NOS1AP: variants seen among roughly 807,000 people sequenced by gnomAD.
NOS1AP encodes nitric oxide synthase 1 adaptor protein.
In NOS1AP, 21 loss-of-function variants were observed where a neutral mutation model predicts 56.2. That is an observed-to-expected ratio of 0.37 (90% CI 0.26 to 0.54). The LOEUF (loss-of-function observed/expected upper bound fraction) is 0.54. Among genes scored for constraint, NOS1AP ranks in the 20% least tolerant of loss-of-function variants. The pLI is 0.84. For synonymous variants in NOS1AP, 270 were observed against 274.6 expected, an observed-to-expected ratio of 0.98 and a Z score of 0.17; for missense variants, 522 against 657.8, an observed-to-expected ratio of 0.79 and a Z score of 2.26.
intron 2 of NOS1AP, among the ~76,000 whole-genome samples, chr1:162,254,950 A>G (rs1483382773): frequency 6.6e-6 from 1 of 152,138 alleles, no homozygotes; most frequent in Non-Finnish European, 1.5e-5. Context: ...TATTCTTTCT[A>G]TTATTCCTTC....
In NOS1AP at chr1:162,367,263, C is replaced by A. The variant is rs746807377; in HGVS notation, c.1317C>A (p.Thr439=). 3.3e-5 allele frequency: 54 copies of A among 1,613,574 alleles called. No individual in the cohort carries two copies. The highest frequency in any genetic ancestry group is 3.2e-4 in the Admixed American group (19 of 59,996). ...ECFRFLPPED[T]PPPAQGEALL... Reference sequence around the variant, plus strand: ...TTCGCTTTCTTCCGCCCGAGGACACCCCGCCCCCAGCGCAGGGCGAGGCGC... The same window carrying A: ...TTCGCTTTCTTCCGCCCGAGGACACACCGCCCCCAGCGCAGGGCGAGGCGC... Residue 439 remains threonine (T), a synonymous_variant, in exon 10 of 10, where the codon ACC becomes ACA. Coordinates refer to ENST00000361897, the MANE Select transcript of NOS1AP (RefSeq NM_014697.3). The surrounding 1 kb of genome is among the most constrained non-coding windows in gnomAD (Gnocchi z 6.5).
chr1:162,072,111 T>TAGATAGATAGAA (rs1389042814), intron 1 of NOS1AP, among the ~76,000 whole-genome samples: 1 of 150,762 alleles, frequency 6.6e-6, no homozygotes, highest in Non-Finnish European at 1.5e-5. Context: ...GATAGATAGA[T>TAGATAGATAGAA]AGAAAGTGTA....
chr1:162,119,135 T>A (rs561998644), intron 1 of NOS1AP, among the ~76,000 whole-genome samples: 2 of 152,284 alleles, frequency 1.3e-5, no homozygotes, highest in South Asian at 4.1e-4. Flanking sequence ...TTAAGAATGA[T>A]CTAGAAACTG....
chr1:162,227,919 T>C (rs2101665185), intron 2 of NOS1AP, among the ~76,000 whole-genome samples: 1 of 152,244 alleles, frequency 6.6e-6, no homozygotes, highest in South Asian at 2.1e-4. Context: ...GTCTGAAAAG[T>C]TTGAAAAGTG....
intron 2 of NOS1AP, among the ~76,000 whole-genome samples, chr1:162,190,873 G>GTCTCTGTAAGCAGAATCTGACAGAGTTGT (rs1651607942): frequency 2.0e-5 from 3 of 152,102 alleles, no homozygotes; most frequent in African/African-American, 7.2e-5. Flanking sequence ...TTACCTTTCT[G>GTCTCTGTAAGCAGAATCTGACAGAGTTGT]TCCCTTAATG....
intron 1 of NOS1AP, among the ~76,000 whole-genome samples, chr1:162,122,905 G>A (rs557388800): frequency 6.6e-6 from 1 of 151,996 alleles, no homozygotes; most frequent in Non-Finnish European, 1.5e-5. Flanking sequence ...CTAATATTAT[G>A]TAAATGTAAT....
intron 2 of NOS1AP, among the ~76,000 whole-genome samples, chr1:162,233,997 A>G (rs1161932044): frequency 1.3e-5 from 2 of 152,222 alleles, no homozygotes; most frequent in African/African-American, 2.4e-5. Context: ...CTTGTCTGCT[A>G]TTGGACATAC....
intron 8 of NOS1AP, among the ~76,000 whole-genome samples, chr1:162,361,735 T>C (rs1657909946): frequency 6.6e-6 from 1 of 152,232 alleles, no homozygotes; most frequent in Admixed American, 6.5e-5. Context: ...TTGGTGCCAA[T>C]GGATCTGCGA....
intron 2 of NOS1AP, among the ~76,000 whole-genome samples, chr1:162,185,025 T>A (rs1350124293): frequency 6.6e-6 from 1 of 152,178 alleles, no homozygotes; most frequent in Middle Eastern, 3.2e-3. Context: ...AAGAGGATAA[T>A]CCTTTTCCTT....
intron 2 of NOS1AP, among the ~76,000 whole-genome samples, chr1:162,190,358 AATTTT>A (rs892501079): frequency 1.1e-4 from 5 of 44,886 alleles, no homozygotes; most frequent in Admixed American, 1.1e-3. Flanking sequence ...ATTTTTTTTA[AATTTT>A]ATTTTATTTT....
chr1:162,289,011 G>T (rs1463647046), intron 3 of NOS1AP, among the ~76,000 whole-genome samples: 1 of 152,148 alleles, frequency 6.6e-6, no homozygotes, highest in Non-Finnish European at 1.5e-5. Flanking sequence ...GCCTGTTAAA[G>T]AAATCGTGGA....
chr1:162,205,250 A>C (rs981436832), intron 2 of NOS1AP, among the ~76,000 whole-genome samples: 3 of 152,242 alleles, frequency 2.0e-5, no homozygotes, highest in African/African-American at 7.2e-5. Context: ...GCCTGAATAC[A>C]TATCACTCCT....
intron 2 of NOS1AP, among the ~76,000 whole-genome samples, chr1:162,193,544 T>C (rs1482588218): frequency 6.6e-6 from 1 of 152,172 alleles, no homozygotes; most frequent in African/African-American, 2.4e-5. Flanking sequence ...TTTGTGCTGA[T>C]GGATTATTTT....
chr1:162,070,356 GC>G, intron 1 of NOS1AP, 74 bp downstream of exon 1: 1 of 1,277,976 alleles, frequency 7.8e-7, no homozygotes, highest in Non-Finnish European at 1.1e-6. Flanking sequence ...GGGATGCACA[GC>G]CGTCCTGGAC....
intron 2 of NOS1AP, among the ~76,000 whole-genome samples, chr1:162,195,114 G>A (rs960450949): frequency 3.3e-5 from 5 of 152,094 alleles, no homozygotes; most frequent in African/African-American, 1.2e-4. Flanking sequence ...GGTGAAATGG[G>A]ATAGGGGTAG....
intron 2 of NOS1AP, among the ~76,000 whole-genome samples, chr1:162,235,264 C>T (rs543114315): frequency 1.3e-5 from 2 of 152,328 alleles, no homozygotes; most frequent in South Asian, 4.1e-4. Context: ...ACTCATCTCC[C>T]CACAACAAAT....
rs539398449 is a variant in NOS1AP at position 162,367,046 on chromosome 1, C to A, written c.1106-6C>A. On this transcript the variant is annotated splice_region_variant and splice_polypyrimidine_tract_variant and intron_variant, in intron 9 of 9. Transcript: ENST00000361897. This position sits in a 1 kb window ranked among gnomAD's most constrained non-coding sequence, Gnocchi z 6.5. ...GCCCCTCTGCTACCTCTTGTCTCCC[C>A]TGCAGTGGGCTCCCAGGACAGCTTG... 1.2e-6 allele frequency: 2 copies of A among 1,613,890 alleles called. No homozygotes were observed. The highest frequency in any genetic ancestry group is 1.1e-5 in the South Asian group (1 of 91,080).
At chr1:162,191,132 G>A (rs1265033403) in intron 2 of NOS1AP, among the ~76,000 whole-genome samples, 1 of 152,148 alleles carries the variant, frequency 6.6e-6, no homozygotes, top group Non-Finnish European at 1.5e-5. Context: ...GGCTAGACTT[G>A]CCCGTCCATA....
chr1:162,321,007 T>C (rs1656396442), intron 4 of NOS1AP, among the ~76,000 whole-genome samples: 1 of 152,148 alleles, frequency 6.6e-6, no homozygotes, highest in Non-Finnish European at 1.5e-5. Flanking sequence ...AGCAGCAACA[T>C]GCCTGTGTCC....
Sources: gnomAD v4.1 joint callset for allele counts (sites outside exome capture counted in the v4.1 genomes callset) on GRCh38, gnomAD v4.1.1 for gene constraint, Gnocchi (gnomAD v3.1) non-coding constraint, MANE v1.5 for transcripts, NCBI Gene and HGNC (gene_info 2026-07-23, HGNC 2026-07-21) for gene names.